Variants in SCML4 observed in about 807,000 individuals in gnomAD.
SCML4 encodes Scm polycomb group protein like 4, also known as sex comb on midleg-like protein 4.
Under a neutral mutation model 41.1 loss-of-function variants are expected in SCML4, and 34 were observed. That is an observed-to-expected ratio of 0.83 (90% confidence interval 0.63 to 1.10). The LOEUF (loss-of-function observed/expected upper bound fraction) is 1.10, where lower values mean the gene tolerates loss of function less well. Ranked by LOEUF, SCML4 falls within the 50% of genes least tolerant of loss-of-function variation. The probability of loss-of-function intolerance (pLI) is 0.00; values close to 1 mark genes in which losing one functional copy is unlikely to be tolerated. For synonymous variants in SCML4, 214 were observed against 220.9 expected, an observed-to-expected ratio of 0.97 and a Z score of 0.28; for missense variants, 522 against 534.1, an observed-to-expected ratio of 0.98 and a Z score of 0.22.
chr6:107,840,465 C>T, the SCML4 span, among the ~76,000 whole-genome samples: 1 of 152,192 alleles, frequency 6.6e-6, no homozygotes, highest in Non-Finnish European at 1.5e-5. Flanking sequence ...ATAGCTGAAA[C>T]AGGGAATCTT....
intron 5 of SCML4, among the ~76,000 whole-genome samples, chr6:107,738,771 A>C (rs570673405): frequency 6.6e-6 from 1 of 152,170 alleles, no homozygotes; most frequent in East Asian, 1.9e-4. Context: ...GCCCTTGCTA[A>C]TGCTTTGAAG....
chr6:107,746,660 C>T (rs374332910), intron 4 of SCML4, 29 bp downstream of exon 4: 89 of 1,597,752 alleles, frequency 5.6e-5, no homozygotes, highest in Non-Finnish European at 7.5e-5. Flanking sequence ...CATCCATGGC[C>T]TCCTCATGCA....
chr6:107,756,685 ATGGGGGGAAATCAGG>A (rs1487250961), intron 2 of SCML4, among the ~76,000 whole-genome samples: 1 of 152,214 alleles, frequency 6.6e-6, no homozygotes, highest in Admixed American at 6.5e-5. Context: ...GATGTTAAAA[ATGGGGGGAAATCAGG>A]TGCGGGGTAC....
chr6:107,746,274 T>G (rs925711084), intron 4 of SCML4: 7 of 163,730 alleles, frequency 4.3e-5, no homozygotes, highest in Non-Finnish European at 9.2e-5. Context: ...TGGAGGAGGG[T>G]TTAGGGCAGA....
At chr6:107,769,757 A>G (rs1780367476) in intron 2 of SCML4, among the ~76,000 whole-genome samples, 1 of 152,170 alleles carries the variant, frequency 6.6e-6, no homozygotes, top group Non-Finnish European at 1.5e-5. Context: ...ATCTCACTAC[A>G]AAAGTTATTA....
chr6:107,782,416 G>T (rs1170800264), intron 1 of SCML4, among the ~76,000 whole-genome samples: 3 of 152,220 alleles, frequency 2.0e-5, no homozygotes, highest in Non-Finnish European at 4.4e-5. Context: ...GTCCCGGGGG[G>T]CTGAGTGTGC....
At chr6:107,736,077 T>G (rs4945788) in intron 5 of SCML4, among the ~76,000 whole-genome samples, 147,486 of 152,210 alleles carry the variant, frequency 0.97, 71,641 homozygotes, top group Middle Eastern at 1. Flanking sequence ...GGAAGTTCCC[T>G]GGCAGCTGGA....
chr6:107,771,351 C>T (rs775620128), intron 2 of SCML4, among the ~76,000 whole-genome samples: 34 of 152,060 alleles, frequency 2.2e-4, no homozygotes, highest in Admixed American at 3.9e-4. Flanking sequence ...CTTTATTTCA[C>T]GAAAAATAGA....
At chr6:107,711,981 C>T (rs1321043637) in intron 6 of SCML4, among the ~76,000 whole-genome samples, 1 of 152,100 alleles carries the variant, frequency 6.6e-6, no homozygotes, top group African/African-American at 2.4e-5. Context: ...TGAGATCTTC[C>T]CTGCCTCTTC....
intron 2 of SCML4, chr6:107,755,792 T>C: frequency 3.5e-6 from 1 of 286,852 alleles, no homozygotes; most frequent in South Asian, 3.6e-5. Context: ...ACATGGCTGA[T>C]TTTAGGATTA....
In SCML4 at chr6:107,709,458, G is replaced by C. The variant is rs1774022050; in HGVS notation, c.974-1447C>G. On this transcript the variant is annotated intron_variant, in intron 6 of 7. Transcript: ENST00000369020. ...TATGTCAGGTGCTCCGCCAAGGGCG[G>C]GAGCCTCCCTACCTTCCCCACATCC... Among the ~76,000 whole-genome samples, 3 of 152,312 alleles carry C rather than the reference G, an allele frequency of 2.0e-5. No individual in the cohort carries two copies. In the South Asian group the frequency reaches 6.2e-4, roughly 32 times the overall value.
chr6:107,730,199 G>A (rs1467051315), intron 5 of SCML4, among the ~76,000 whole-genome samples: 5 of 152,290 alleles, frequency 3.3e-5, no homozygotes, highest in Non-Finnish European at 5.9e-5. Context: ...TCTGGAGAGG[G>A]AACCCCCACT....
At chr6:107,777,307 G>A (rs576572417) in intron 1 of SCML4, among the ~76,000 whole-genome samples, 7 of 152,204 alleles carry the variant, frequency 4.6e-5, no homozygotes, top group Admixed American at 2.0e-4. Flanking sequence ...TAGTAGAGAC[G>A]GGGTTTCACC....
At chr6:107,839,393 G>GAAAGAAAGAAAGAAACAAAGAAAC in the SCML4 span, among the ~76,000 whole-genome samples, 1 of 134,388 alleles carries the variant, frequency 7.4e-6, no homozygotes, top group African/African-American at 2.9e-5. Flanking sequence ...AAGAAAGAAA[G>GAAAGAAAGAAAGAAACAAAGAAAC]AAAGAAAGAA....
chr6:107,734,677 A>C (rs921559571), intron 5 of SCML4, among the ~76,000 whole-genome samples: 1 of 152,228 alleles, frequency 6.6e-6, no homozygotes, highest in Non-Finnish European at 1.5e-5. Context: ...GAAAATATAA[A>C]GCTTTTCCTA....
At chr6:107,828,984 C>T (rs928422477), upstream of SCML4, among the ~76,000 whole-genome samples, 30 of 152,080 alleles carry the variant, frequency 2.0e-4, no homozygotes, top group African/African-American at 7.0e-4. Flanking sequence ...CATAGAAGAA[C>T]ACGGAATGAA....
At position 107,749,604 on chromosome 6, in the gene SCML4, T is replaced by C. The variant is rs1778429401; in HGVS notation, c.286+80A>G. 3 of 1,535,332 alleles carry C rather than the reference T, an allele frequency of 2.0e-6. No homozygotes were observed. In the Admixed American group the frequency reaches 5.8e-5, roughly 30 times the overall value. ...AGCCATCTCAGCAACAACTCTTTAA[T>C]CCACAAAGTAACAATTAGATGGTAG... On this transcript the variant is annotated intron_variant, in intron 3 of 7. Transcript: ENST00000369020.
intron 1 of SCML4, among the ~76,000 whole-genome samples, chr6:107,812,880 T>TACACACACACACAC (rs141469245): frequency 2.3e-4 from 33 of 141,462 alleles, no homozygotes; most frequent in Middle Eastern, 3.4e-3. Flanking sequence ...CACAGACACA[T>TACACACACACACAC]ACACACACAC....
intron 2 of SCML4, among the ~76,000 whole-genome samples, chr6:107,752,552 G>A (rs1778780568): frequency 6.6e-6 from 1 of 152,124 alleles, no homozygotes; most frequent in African/African-American, 2.4e-5. Flanking sequence ...AAGAAATCAG[G>A]TAAGAGCACC....
Sources: allele counts gnomAD v4.1 joint callset (sites outside exome capture counted in the v4.1 genomes callset), GRCh38; gene constraint gnomAD v4.1.1; transcripts MANE v1.5; gene names NCBI Gene and HGNC (gene_info 2026-07-23, HGNC 2026-07-21).